Variants in ASB2 observed in about 807,000 individuals in gnomAD.
ASB2 encodes the protein ankyrin repeat and SOCS box containing 2.
In ASB2, 58 loss-of-function variants were observed where a neutral mutation model predicts 62.4. That is an observed-to-expected ratio of 0.93 (90% confidence interval 0.75 to 1.16). The LOEUF (loss-of-function observed/expected upper bound fraction) is 1.16. Ranked by LOEUF, ASB2 falls within the 50% of genes most tolerant of loss-of-function variation. The pLI is 0.00. For missense variants in ASB2, 928 were observed against 887.9 expected (o/e 1.05, Z -0.57); for synonymous variants, 386 against 385.3 (o/e 1.00, Z -0.02).
intron 9 of ASB2, among the ~76,000 whole-genome samples, chr14:93,935,597 G>A (rs1207135180): frequency 2.0e-5 from 3 of 152,168 alleles, no homozygotes; most frequent in Admixed American, 6.5e-5. Flanking sequence ...GGAATTTCCA[G>A]GTACGGAAGG....
chr14:93,964,573 G>C lies in ASB2; in HGVS notation c.-34C>G. 1 of 1,529,410 alleles carries C rather than the reference G, an allele frequency of 6.5e-7. No individual in the cohort carries two copies. The highest frequency in any genetic ancestry group is 8.8e-7 in the Non-Finnish European group (1 of 1,140,992). 94.7% of individuals were successfully genotyped at this position (1,529,410 alleles called of 1,614,324 possible). The stretch of plus-strand genomic sequence containing the variant: ...ACCTCTCACCCTGGCCTCCAGAACA[G>C]ACACCCAGTGGGGAGGAGGGAACAG... On this transcript the variant is annotated 5_prime_UTR_variant, in exon 2 of 10. Coordinates refer to ENST00000555019, the MANE Select transcript of ASB2 (RefSeq NM_001202429.2).
In ASB2 at chr14:93,939,344, G is replaced by C; in HGVS notation, c.1381C>G (p.Leu461Val). Residue 461 changes from leucine (L) to valine (V), a missense_variant, in exon 8 of 10, where the codon CTG (leucine) becomes GTG (valine). Physicochemically the swap from Leu to Val is conservative, Grantham distance 32. Transcript: ENST00000555019. Reference protein sequence around the residue: ...HGCLRTMQLLLDHGANIDAYI... With the variant: ...HGCLRTMQLLVDHGANIDAYI... ...GCGTCGATGTTCGCGCCGTGGTCCA[G>C]CAGCAGCTGCATTGTGCGCAGGCAG... is the stretch of plus-strand genomic sequence containing the variant. The C allele has an allele frequency of 6.2e-7, 1 of 1,611,940 alleles. No homozygotes were observed. Among genetic ancestry groups the C allele is most frequent in the South Asian group, 1.1e-5 (1 of 90,982 alleles).
intron 3 of ASB2, among the ~76,000 whole-genome samples, chr14:93,956,491 C>T (rs1489571861): frequency 6.6e-6 from 1 of 151,972 alleles, no homozygotes; most frequent in Middle Eastern, 3.4e-3. Context: ...GGGGCTCCTC[C>T]AGCACTCAGG....
At chr14:93,974,688 C>G (rs1889859354) in intron 1 of ASB2, among the ~76,000 whole-genome samples, 1 of 152,250 alleles carries the variant, frequency 6.6e-6, no homozygotes, top group Non-Finnish European at 1.5e-5. Flanking sequence ...GACTCCAACA[C>G]TTGCAGCCGT....
rs183842141 is a variant in ASB2, at chr14:93,968,086, A to G, written c.-73-3474T>C. ...GGCCCTGCAGCCTGGTATGGGCCAGAGACTCATAGACAGCACATGGCTGCA... is the reference window on the plus strand; with the variant it reads ...GGCCCTGCAGCCTGGTATGGGCCAGGGACTCATAGACAGCACATGGCTGCA... On this transcript the variant is annotated intron_variant, in intron 1 of 9. Transcript: ENST00000555019. Among the ~76,000 whole-genome samples, 350 of 152,306 alleles carry G rather than the reference A, an allele frequency of 2.3e-3. 1 individual carries two copies. The highest frequency in any genetic ancestry group is 7.8e-3 in the African/African-American group (323 of 41,566).
At chr14:93,956,680 G>T in intron 3 of ASB2, 86 bp downstream of exon 3, 2 of 1,553,814 alleles carry the variant, frequency 1.3e-6, no homozygotes, top group East Asian at 2.2e-5. Context: ...CCTCCTGGGG[G>T]CTGTGGGCCT....
At chr14:93,956,964 G>A in intron 2 of ASB2, 94 bp from the exon 3 acceptor site, 3 of 1,580,386 alleles carry the variant, frequency 1.9e-6, no homozygotes, top group Non-Finnish European at 2.6e-6. Context: ...TGGAGGGAGA[G>A]CCAGGGAGAG....
At chr14:93,957,814 A>C (rs1303459604) in intron 2 of ASB2, among the ~76,000 whole-genome samples, 1 of 152,168 alleles carries the variant, frequency 6.6e-6, no homozygotes, top group Non-Finnish European at 1.5e-5. Flanking sequence ...GGTTGTCGTG[A>C]GAACAGGGTA....
chr14:93,954,185 C>A (rs1245843015), intron 4 of ASB2, 132 bp downstream of exon 4: 2 of 751,498 alleles, frequency 2.7e-6, no homozygotes, highest in South Asian at 1.7e-5. Context: ...GACTAACTGA[C>A]AAATGAAAGT....
intron 9 of ASB2, among the ~76,000 whole-genome samples, chr14:93,935,627 C>A (rs544188576): frequency 6.6e-6 from 1 of 152,212 alleles, no homozygotes; most frequent in South Asian, 2.1e-4. Context: ...GCATTCTAAG[C>A]AGGGAAAACA....
At chr14:93,954,271 C>A in intron 4 of ASB2, 46 bp downstream of exon 4, 1 of 1,539,170 alleles carries the variant, frequency 6.5e-7, no homozygotes. Context: ...AGCCCTTCCC[C>A]TAGTCCCTTT....
At chr14:93,969,882 C>T (rs2141320718) in intron 1 of ASB2, 1 of 152,340 alleles carries the variant, frequency 6.6e-6, no homozygotes, top group South Asian at 2.1e-4. Flanking sequence ...TAGGTTAATC[C>T]ACGTAAATTA....
chr14:93,940,913 G>T (rs1888493623), intron 7 of ASB2, among the ~76,000 whole-genome samples: 1 of 152,198 alleles, frequency 6.6e-6, no homozygotes. Context: ...TTGAACCCAG[G>T]CAGTCTGACC....
chr14:93,947,995 G>GA (rs55666799), intron 6 of ASB2, among the ~76,000 whole-genome samples: 1,146 of 72,458 alleles, frequency 0.016, 59 homozygotes, highest in African/African-American at 0.028. Context: ...ACTCCGCCTG[G>GA]AAAAAAAAAA....
At chr14:93,961,430 G>C (rs1315838627) in intron 2 of ASB2, among the ~76,000 whole-genome samples, 1 of 152,184 alleles carries the variant, frequency 6.6e-6, no homozygotes, top group African/African-American at 2.4e-5. Context: ...CCTGCCACAG[G>C]TCAGACACAG....
chr14:93,935,398 T>C (rs1358605902), intron 9 of ASB2, among the ~76,000 whole-genome samples: 1 of 151,042 alleles, frequency 6.6e-6, no homozygotes, highest in Non-Finnish European at 1.5e-5. Context: ...ACGGAGTAAT[T>C]AAAGGGCTTG....
intron 9 of ASB2, among the ~76,000 whole-genome samples, chr14:93,937,239 C>T (rs1411630733): frequency 6.6e-6 from 1 of 152,202 alleles, no homozygotes; most frequent in Admixed American, 6.5e-5. Flanking sequence ...GACTCCCCGG[C>T]CCCGCCCCAG....
At chr14:93,959,934 G>C (rs1043290393) in intron 2 of ASB2, among the ~76,000 whole-genome samples, 1 of 151,528 alleles carries the variant, frequency 6.6e-6, no homozygotes, top group African/African-American at 2.4e-5. Context: ...CCCCACGCCC[G>C]CCAACATGTC....
chr14:93,968,920 T>C (rs1239309162), intron 1 of ASB2, among the ~76,000 whole-genome samples: 1 of 152,222 alleles, frequency 6.6e-6, no homozygotes, highest in Non-Finnish European at 1.5e-5. Flanking sequence ...ACAGCTGTTA[T>C]GGAGTTTACT....
Sources: allele counts gnomAD v4.1 joint callset (sites outside exome capture counted in the v4.1 genomes callset), GRCh38; gene constraint gnomAD v4.1.1; transcripts MANE v1.5; gene names NCBI Gene and HGNC (gene_info 2026-07-23, HGNC 2026-07-21).